DLGAP1: variants seen among roughly 807,000 people sequenced by gnomAD.
DLGAP1 encodes the protein DLG associated protein 1, also known as disks large-associated protein 1.
In DLGAP1, 11 loss-of-function variants were observed where a neutral mutation model predicts 90.8. That is an observed-to-expected ratio of 0.12 (90% CI 0.08 to 0.20). The LOEUF is 0.20. DLGAP1 is among the 10% of genes least tolerant of loss of function. The pLI is 1.00. For missense variants in DLGAP1, 1,050 were observed against 1,333.8 expected (o/e 0.79, Z 3.31); for synonymous variants, 558 against 540.7 (o/e 1.03, Z -0.44).
chr18:3,762,524 A>AT (rs58069194), intron 5 of DLGAP1, among the ~76,000 whole-genome samples: 30,780 of 151,596 alleles, frequency 0.2, 3,654 homozygotes, highest in East Asian at 0.55. Context: ...ATTTTGATAG[A>AT]TTTTTTTTTC....
chr18:3,645,430 T>C (rs2059085455), intron 7 of DLGAP1, among the ~76,000 whole-genome samples: 2 of 152,230 alleles, frequency 1.3e-5, no homozygotes, highest in African/African-American at 4.8e-5. Flanking sequence ...TGAAAATGTA[T>C]TTCCAACCAG....
intron 3 of DLGAP1, among the ~76,000 whole-genome samples, chr18:3,955,466 C>G (rs571493969): frequency 6.6e-6 from 1 of 152,262 alleles, no homozygotes; most frequent in East Asian, 1.9e-4. Context: ...AATCCCAGCA[C>G]TTTGGGAGGC....
intron 1 of DLGAP1, among the ~76,000 whole-genome samples, chr18:4,205,121 T>C (rs74624197): frequency 0.012 from 1,786 of 152,232 alleles, 44 homozygotes; most frequent in African/African-American, 0.041. Context: ...CTGAAAAGCA[T>C]GTTGACAGAT....
chr18:4,165,597 GA>G (rs536127661), intron 1 of DLGAP1, among the ~76,000 whole-genome samples: 2 of 152,204 alleles, frequency 1.3e-5, no homozygotes, highest in African/African-American at 2.4e-5. Flanking sequence ...TTTGATGACT[GA>G]AAAAAATATT....
intron 5 of DLGAP1, among the ~76,000 whole-genome samples, chr18:3,768,421 A>G (rs1233671822): frequency 1.3e-5 from 2 of 152,200 alleles, no homozygotes; most frequent in Non-Finnish European, 1.5e-5. Context: ...AAAATCTCAT[A>G]AAGATTTTTG....
intron 8 of DLGAP1, among the ~76,000 whole-genome samples, chr18:3,573,629 A>C (rs1195794099): frequency 6.6e-6 from 1 of 150,426 alleles, no homozygotes; most frequent in Non-Finnish European, 1.5e-5. Context: ...ACATTTGTGA[A>C]AGGTTTTTTT....
Position 3,499,176 on chromosome 18 carries a change from G to T in DLGAP1, c.*9C>A. Reference sequence around the variant, plus strand: ...GATGCTTGGCGGCGGCGGCCGGGCTGCGGGGCGCTCAGAGCCGGGTCTGCG... The same window carrying T: ...GATGCTTGGCGGCGGCGGCCGGGCTTCGGGGCGCTCAGAGCCGGGTCTGCG... On this transcript the variant is annotated 3_prime_UTR_variant, in exon 13 of 13. Coordinates refer to ENST00000315677, the MANE Select transcript of DLGAP1 (RefSeq NM_004746.4). The surrounding 1 kb of genome is among the most constrained non-coding windows in gnomAD (Gnocchi z 6.4). The T allele has an allele frequency of 6.4e-7, 1 of 1,554,748 alleles. No individual in the cohort carries two copies. Among genetic ancestry groups the T allele is most frequent in the Non-Finnish European group, 8.6e-7 (1 of 1,157,552 alleles).
intron 3 of DLGAP1, among the ~76,000 whole-genome samples, chr18:3,935,427 C>G (rs983695857): frequency 6.6e-6 from 1 of 152,180 alleles, no homozygotes; most frequent in Non-Finnish European, 1.5e-5. Context: ...GAAGGGTAAT[C>G]TGGCAGTGGT....
chr18:3,591,916 A>T (rs769701167), intron 7 of DLGAP1, among the ~76,000 whole-genome samples: 1 of 152,100 alleles, frequency 6.6e-6, no homozygotes, highest in Non-Finnish European at 1.5e-5. Context: ...TGAGGACCTC[A>T]TAACAGAGGG....
At chr18:4,194,021 T>C (rs902104980) in intron 1 of DLGAP1, among the ~76,000 whole-genome samples, 3 of 152,208 alleles carry the variant, frequency 2.0e-5, no homozygotes, top group African/African-American at 7.2e-5. Flanking sequence ...GGTGGCTACA[T>C]GTGCAGGTTT....
chr18:3,502,378 G>A lies in DLGAP1; in HGVS notation c.2724+115C>T, dbSNP rs1005473659. ...ATTGTCATTACAATGAAATTAATAT[G>A]ATATCAGCTCCATTTCACATTGTAA... is the stretch of plus-strand genomic sequence containing the variant. On this transcript the variant is annotated intron_variant, in intron 12 of 12. Transcript: ENST00000315677. 33 of 1,486,246 alleles carry A rather than the reference G, an allele frequency of 2.2e-5. No homozygotes were observed. In the African/African-American group the frequency reaches 4.1e-4, roughly 18 times the overall value. The allele number at this position is 1,486,246 out of a possible 1,614,324, so 92.1% of individuals were successfully genotyped here.
At chr18:3,955,792 T>G (rs988426398) in intron 3 of DLGAP1, among the ~76,000 whole-genome samples, 1 of 151,446 alleles carries the variant, frequency 6.6e-6, no homozygotes, top group Non-Finnish European at 1.5e-5. Flanking sequence ...AAAACTAGTA[T>G]GTGTGCAATA....
intron 1 of DLGAP1, among the ~76,000 whole-genome samples, chr18:4,352,539 G>A (rs573127549): frequency 3.6e-4 from 54 of 152,032 alleles, no homozygotes; most frequent in Non-Finnish European, 6.5e-4. Context: ...AAAGATAAAT[G>A]TCCTCTTTAT....
chr18:4,112,262 T>C (rs1475635955), intron 2 of DLGAP1, among the ~76,000 whole-genome samples: 4 of 152,170 alleles, frequency 2.6e-5, no homozygotes, highest in Non-Finnish European at 5.9e-5. Flanking sequence ...TCTAATTTAA[T>C]TCTGTTGTGG....
At chr18:4,326,177 A>G (rs1402790659) in intron 1 of DLGAP1, among the ~76,000 whole-genome samples, 1 of 152,042 alleles carries the variant, frequency 6.6e-6, no homozygotes, top group Non-Finnish European at 1.5e-5. Flanking sequence ...AAAACAAGCA[A>G]AAGTGGACAA....
chr18:3,922,897 C>T (rs1168207844), intron 3 of DLGAP1, among the ~76,000 whole-genome samples: 3 of 152,052 alleles, frequency 2.0e-5, no homozygotes, highest in Non-Finnish European at 4.4e-5. Context: ...CTTTGGGAGG[C>T]TGAGCGGGGA....
Position 4,454,678 on chromosome 18 carries a change from TC to T in DLGAP1, c.-267+327del, listed in dbSNP as rs2083927241. On this transcript the variant is annotated intron_variant, in intron 1 of 12. Transcript: ENST00000315677. The surrounding 1 kb of genome is among the most constrained non-coding windows in gnomAD (Gnocchi z 4.7). ...CCGGGACAGGGGACCGGTGTTCTCC[TC>T]CCCTCCCCCTTCCGGGACCCTGTCG... is the stretch of plus-strand genomic sequence containing the variant. 6.6e-6 allele frequency among the ~76,000 whole-genome samples: 1 copy of T among 151,746 alleles called. No homozygotes were observed. The highest frequency in any genetic ancestry group is 2.4e-5 in the African/African-American group (1 of 41,316).
chr18:4,032,906 G>C (rs12966814), intron 2 of DLGAP1, among the ~76,000 whole-genome samples: 27,237 of 152,028 alleles, frequency 0.18, 2,739 homozygotes, highest in East Asian at 0.32. Flanking sequence ...ACAGTGGCTG[G>C]GTCTTAGTTG....
At chr18:4,212,431 T>C (rs1002193402) in intron 1 of DLGAP1, among the ~76,000 whole-genome samples, 1 of 151,512 alleles carries the variant, frequency 6.6e-6, no homozygotes, top group East Asian at 1.9e-4. Flanking sequence ...TTTGGGAGGC[T>C]GAGGTGGGTG....
Sources: gnomAD v4.1 joint callset for allele counts (sites outside exome capture counted in the v4.1 genomes callset) on GRCh38, gnomAD v4.1.1 for gene constraint, Gnocchi (gnomAD v3.1) non-coding constraint, MANE v1.5 for transcripts, NCBI Gene and HGNC (gene_info 2026-07-23, HGNC 2026-07-21) for gene names.